The following IL22 variants were observed in gnomAD, a reference collection of about 807,000 sequenced individuals.
IL22 encodes the protein interleukin 22.
A neutral mutation model predicts 15.5 loss-of-function variants in IL22; 15 were observed. That is an observed-to-expected ratio of 0.97 (90% CI 0.65 to 1.49). IL22 has a LOEUF of 1.49. Ranked by LOEUF, IL22 falls within the 40% of genes most tolerant of loss-of-function variation. IL22 has a pLI of 0.00. For missense variants in IL22, 225 were observed against 215.4 expected (o/e 1.04, Z -0.28); for synonymous variants, 91 against 82.0 (o/e 1.11, Z -0.60).
Position 68,248,546 on chromosome 12 carries a change from G to A in IL22, c.*253C>T, listed in dbSNP as rs1869814131. 2.7e-6 allele frequency: 1 copy of A among 363,812 alleles called. No individual in the cohort carries two copies. Among genetic ancestry groups the A allele is most frequent in the Non-Finnish European group, 4.9e-6 (1 of 202,850 alleles). 22.5% of individuals were successfully genotyped at this position (363,812 alleles called of 1,614,324 possible). A position where few individuals can be genotyped will look rare whatever the true frequency, so the allele number is the denominator to read the frequency against. ...ATTTAAAAAATAAATTGTTTTCTGT[G>A]TATAGAACACCAGTTACAATGAAAT... On this transcript the variant is annotated 3_prime_UTR_variant, in exon 6 of 6. Transcript: ENST00000538666.
In IL22 at chr12:68,248,822, A is replaced by G; in HGVS notation, c.517T>C (p.Ser173Pro). The G allele has an allele frequency of 6.2e-7, 1 of 1,613,048 alleles. No homozygotes were observed. Among genetic ancestry groups the G allele is most frequent in the Non-Finnish European group, 8.5e-7 (1 of 1,179,356 alleles). Residue 173 changes from serine (S) to proline (P), a missense_variant, in exon 6 of 6, where the codon TCT becomes CCT. Transcript: ENST00000538666. ...AIGELDLLFMSLRNACI is the reference protein window; with the variant it reads ...AIGELDLLFMPLRNACI ...GGTCAAATGCAGGCATTTCTCAGAG[A>G]CATAAACAGCAAATCCAGTTCTCCA...
chr12:68,253,395 G>A lies in IL22; in HGVS notation c.54C>T (p.Thr18=), dbSNP rs1253002763. Residue 18 remains threonine (T), a synonymous_variant, in exon 2 of 6, where the codon ACC becomes ACT. Coordinates refer to ENST00000538666, the MANE Select transcript of IL22 (RefSeq NM_020525.5). ...AGAGGGCCAAGAGAAGGAGGCAGCTGGTGGCCAGGGTCCCCATAAGGAAAG... is the reference window on the plus strand; with the variant it reads ...AGAGGGCCAAGAGAAGGAGGCAGCTAGTGGCCAGGGTCCCCATAAGGAAAG... The part of the protein sequence containing the change: ...VSSFLMGTLA[T]SCLLLLALLV... 1 of 1,612,770 alleles carries A rather than the reference G, an allele frequency of 6.2e-7. No individual in the cohort carries two copies. Among genetic ancestry groups the A allele is most frequent in the East Asian group, 2.2e-5 (1 of 44,808 alleles).
At chr12:68,251,325 A>C (rs977926869) in intron 5 of IL22, among the ~76,000 whole-genome samples, 188 bp downstream of exon 5, 2 of 152,174 alleles carry the variant, frequency 1.3e-5, no homozygotes, top group African/African-American at 4.8e-5. Flanking sequence ...GAATTCTACA[A>C]TTTGCAAGAT....
At chr12:68,251,200 G>A (rs1371842757) in intron 5 of IL22, among the ~76,000 whole-genome samples, 1 of 152,050 alleles carries the variant, frequency 6.6e-6, no homozygotes, top group East Asian at 1.9e-4. Context: ...TCACCACCGG[G>A]AAAAGTGCTG....
chr12:68,253,113 C>T (rs1379214212), intron 2 of IL22, 150 bp downstream of exon 2: 2 of 652,354 alleles, frequency 3.1e-6, no homozygotes, highest in African/African-American at 3.8e-5. Flanking sequence ...GCCAGATTCC[C>T]AAAGAGTCTC....
rs1021542285 is a variant in IL22, at chr12:68,252,771, C to G, written c.245G>C (p.Gly82Ala). 4.3e-6 allele frequency: 7 copies of G among 1,613,782 alleles called. No homozygotes were observed. The highest frequency in any genetic ancestry group is 1.6e-4 in the Middle Eastern group (1 of 6,078). The stretch of plus-strand genomic sequence containing the variant: ...GTCACAACTGTAGCTTACACTGACT[C>G]CGTGGAACAGTTTCTCCCCAATGAG... ...VRLIGEKLFHGVSMSERCYLM... is the reference protein window; with the variant it reads ...VRLIGEKLFHAVSMSERCYLM... Residue 82 changes from glycine (G) to alanine (A), a missense_variant, in exon 3 of 6, where the codon GGA becomes GCA. Gly to Ala is a moderately conservative substitution (Grantham distance 60, BLOSUM62 0). Transcript: ENST00000538666.
chr12:68,253,407 C>A lies in IL22; in HGVS notation c.42G>T (p.Gly14=). The A allele has an allele frequency of 6.2e-7, 1 of 1,610,972 alleles. No individual in the cohort carries two copies. Among genetic ancestry groups the A allele is most frequent in the East Asian group, 2.2e-5 (1 of 44,670 alleles). ...LQKSVSSFLM[G]TLATSCLLLL... ...GAAGGAGGCAGCTGGTGGCCAGGGT[C>A]CCCATAAGGAAAGAGCTCACAGATT... is the stretch of plus-strand genomic sequence containing the variant. The change falls in exon 2 of 6, where the codon GGG becomes GGT. Residue 14 remains glycine, a synonymous_variant. Coordinates refer to ENST00000538666, the MANE Select transcript of IL22 (RefSeq NM_020525.5).
At chr12:68,251,731 C>T (rs150987490) in intron 4 of IL22, among the ~76,000 whole-genome samples, 153 bp from the exon 5 acceptor site, 21 of 152,296 alleles carry the variant, frequency 1.4e-4, no homozygotes, top group African/African-American at 5.1e-4. Context: ...CCTAGATTTC[C>T]TGAGCTCTTG....
intron 4 of IL22, 103 bp downstream of exon 4, chr12:68,252,401 G>T (rs1869962210): frequency 8.6e-7 from 1 of 1,168,760 alleles, no homozygotes; most frequent in Non-Finnish European, 1.2e-6. Context: ...ACTTCTTCCT[G>T]CTAGCTTAGG....
Position 68,248,735 on chromosome 12 carries a change from G to A in IL22, c.*64C>T, listed in dbSNP as rs541587485. The A allele has an allele frequency of 1.0e-4, 132 of 1,320,892 alleles. No homozygotes were observed. The African/African-American group carries it at 1.6e-3, about 16-fold the overall frequency. The allele number at this position is 1,320,892 out of a possible 1,614,324, so 81.8% of individuals were successfully genotyped here. On this transcript the variant is annotated 3_prime_UTR_variant, in exon 6 of 6. Transcript: ENST00000538666. Reference sequence around the variant, plus strand: ...TTTGGTTAAAAAAAATCGCTTTGGGGCATCTAATTGTTATTTCTAGCAGGG... The same window carrying A: ...TTTGGTTAAAAAAAATCGCTTTGGGACATCTAATTGTTATTTCTAGCAGGG...
At chr12:68,251,399 G>A in intron 5 of IL22, 114 bp downstream of exon 5, 2 of 778,270 alleles carry the variant, frequency 2.6e-6, no homozygotes, top group Non-Finnish European at 4.6e-6. Flanking sequence ...TAATCGCCCT[G>A]GTGGTAGGAG....
At chr12:68,250,464 C>T (rs573307273) in intron 5 of IL22, among the ~76,000 whole-genome samples, 20 of 152,240 alleles carry the variant, frequency 1.3e-4, no homozygotes, top group South Asian at 8.3e-4. Flanking sequence ...CAGGAAGAAA[C>T]GCTTTTTTAA....
At chr12:68,253,126 A>G (rs1869998070) in intron 2 of IL22, 137 bp downstream of exon 2, 2 of 742,618 alleles carry the variant, frequency 2.7e-6, no homozygotes, top group Non-Finnish European at 4.1e-6. Flanking sequence ...AGAGTCTCTG[A>G]AAAAACAGAA....
At chr12:68,250,598 C>G (rs1258788079) in intron 5 of IL22, among the ~76,000 whole-genome samples, 1 of 152,176 alleles carries the variant, frequency 6.6e-6, no homozygotes, top group East Asian at 1.9e-4. Flanking sequence ...TTTCACTGCT[C>G]CTAATCATTC....
intron 2 of IL22, 107 bp downstream of exon 2, chr12:68,253,156 A>G (rs1443610401): frequency 3.2e-6 from 3 of 929,788 alleles, no homozygotes; most frequent in Non-Finnish European, 4.7e-6. Flanking sequence ...ACCCTCAGGG[A>G]TAAACAGTGG....
rs1374697107 is a variant in IL22, at chr12:68,253,457, A to G, written c.-9T>C. 5 of 1,563,812 alleles carry G rather than the reference A, an allele frequency of 3.2e-6. No homozygotes were observed. The African/African-American group carries it at 4.1e-5, about 13-fold the overall frequency. On this transcript the variant is annotated 5_prime_UTR_variant, in exon 2 of 6. Coordinates refer to ENST00000538666, the MANE Select transcript of IL22 (RefSeq NM_020525.5). ...TTCTGCAGGGCGGCCATTGCAGACA[A>G]TTCTAACTCGAGCAACTGGTGACTG...
intron 2 of IL22, 100 bp from the exon 3 acceptor site, chr12:68,252,929 A>G: frequency 1.1e-6 from 1 of 888,168 alleles, no homozygotes; most frequent in Admixed American, 2.0e-5. Context: ...GAGCAACATC[A>G]TAAAGACTAA....
chr12:68,252,643 C>T lies in IL22; in HGVS notation c.257G>A (p.Ser86Asn). The change falls in exon 4 of 6, where the codon AGT (serine) becomes AAT (asparagine). Residue 86 changes from serine (S) to asparagine (N), a missense_variant. By Grantham distance (46) the Ser-to-Asn change is conservative. Coordinates refer to ENST00000538666, the MANE Select transcript of IL22 (RefSeq NM_020525.5). Reference protein sequence around the residue: ...GEKLFHGVSMSERCYLMKQVL... With the variant: ...GEKLFHGVSMNERCYLMKQVL... ...CTGCTTCATCAGATAGCAGCGCTCA[C>T]TCATCTGCAGGTGGAAGGGAAACAG... is the stretch of plus-strand genomic sequence containing the variant. The T allele has an allele frequency of 6.2e-7, 1 of 1,614,042 alleles. No homozygotes were observed. The highest frequency in any genetic ancestry group is 8.5e-7 in the Non-Finnish European group (1 of 1,179,948).
At chr12:68,249,925 CTA>C in intron 5 of IL22, among the ~76,000 whole-genome samples, 1 of 152,290 alleles carries the variant, frequency 6.6e-6, no homozygotes, top group East Asian at 1.9e-4. Context: ...GACTCCAAGA[CTA>C]TAAAGAATTT....
Sources: gnomAD v4.1 joint callset for allele counts (sites outside exome capture counted in the v4.1 genomes callset) on GRCh38, gnomAD v4.1.1 for gene constraint, MANE v1.5 for transcripts, NCBI Gene and HGNC (gene_info 2026-07-23, HGNC 2026-07-21) for gene names.